HSPG2: variants seen among roughly 807,000 people sequenced by gnomAD.
The protein encoded by HSPG2 is basement membrane-specific heparan sulfate proteoglycan core protein.
A neutral mutation model predicts 526.6 loss-of-function variants in HSPG2; 278 were observed. The observed-to-expected ratio is 0.53, with a 90% CI of 0.48 to 0.58. The LOEUF is 0.58. HSPG2 is among the 20% of genes least tolerant of loss of function. HSPG2 has a pLI of 0.00. For missense variants in HSPG2, 5,354 were observed against 6,099.5 expected (o/e 0.88, Z 4.07); for synonymous variants, 2,465 against 2,555.4 (o/e 0.96, Z 1.07).
intron 13 of HSPG2, among the ~76,000 whole-genome samples, chr1:21,882,748 G>A (rs532881275): frequency 6.6e-6 from 1 of 152,152 alleles, no homozygotes. Flanking sequence ...CGTCATGGAT[G>A]GAGAGCGTAC....
Position 21,891,463 on chromosome 1 carries a change from C to T in HSPG2, c.245-769G>A, listed in dbSNP as rs79110743. Among the ~76,000 whole-genome samples, 231 of 152,340 alleles carry T rather than the reference C, an allele frequency of 1.5e-3. 3 individuals are homozygous for T. Among genetic ancestry groups the T allele is most frequent in the East Asian group, 7.3e-3 (38 of 5,190 alleles). On this transcript the variant is annotated intron_variant, in intron 3 of 96. Coordinates refer to ENST00000374695, the MANE Select transcript of HSPG2 (RefSeq NM_005529.7). ...AGCTGCTGTGGTCCTCTCTCCACCA[C>T]CAGACTCTAGGCTTGATGGAGGGGA...
At chr1:21,826,176 G>T (rs1005600386) in intron 91 of HSPG2, among the ~76,000 whole-genome samples, 1 of 151,958 alleles carries the variant, frequency 6.6e-6, no homozygotes, top group African/African-American at 2.4e-5. Context: ...CGACCTCCTG[G>T]GCTCAAGTGA....
chr1:21,827,955 G>C, intron 90 of HSPG2, 36 bp from the exon 91 acceptor site: 1 of 1,609,098 alleles, frequency 6.2e-7, no homozygotes. Context: ...GGTGGGCATA[G>C]ACACCCGTGG....
chr1:21,876,246 G>A lies in HSPG2; in HGVS notation c.2986C>T (p.Arg996Cys), dbSNP rs377170736. 3.1e-5 allele frequency: 50 copies of A among 1,611,328 alleles called. No individual in the cohort carries two copies. In the South Asian group the frequency reaches 3.4e-4, roughly 11 times the overall value. The change falls in exon 23 of 97, where the codon CGC (arginine) becomes TGC (cysteine). Residue 996 changes from arginine (R) to cysteine (C), a missense_variant. Transcript: ENST00000374695. The part of the protein sequence containing the change: ...SGPYFWSLPS[R>C]FLGDKVTSYG... ...CTACCCACCTTGTCCCCCAGGAAGC[G>A]TGAAGGGAGGCTCCAGAAGTAGGGT...
rs1323352578 is a variant in HSPG2 at position 21,848,165 on chromosome 1, C to A, written c.7738-72G>T. On this transcript the variant is annotated intron_variant, in intron 59 of 96. Coordinates refer to ENST00000374695, the MANE Select transcript of HSPG2 (RefSeq NM_005529.7). The surrounding 1 kb of genome is among the most constrained non-coding windows in gnomAD (Gnocchi z 4.9). ...TCCTCCACATCTTGGGCACTGCTGC[C>A]GCTGCCCCTGGACTCTGGGGGCCTC... 1 of 1,521,028 alleles carries A rather than the reference C, an allele frequency of 6.6e-7. No homozygotes were observed. Among genetic ancestry groups the A allele is most frequent in the Admixed American group, 2.0e-5 (1 of 51,024 alleles). The allele number at this position is 1,521,028 out of a possible 1,614,324, so 94.2% of individuals were successfully genotyped here. A position where few individuals can be genotyped will look rare whatever the true frequency, so the allele number is the denominator to read the frequency against.
At chr1:21,841,893 C>T in intron 69 of HSPG2, 109 bp downstream of exon 69, 1 of 1,490,316 alleles carries the variant, frequency 6.7e-7, no homozygotes, top group Non-Finnish European at 9.3e-7. Flanking sequence ...CTCAGGGCCA[C>T]ACCATGAATG....
In HSPG2 at chr1:21,831,255, C is replaced by G; in HGVS notation, c.11522G>C (p.Gly3841Ala). Residue 3841 changes from glycine to alanine, a missense_variant, in exon 84 of 97, where the codon GGC (glycine) becomes GCC (alanine). By Grantham distance (60) the Gly-to-Ala change is moderately conservative. Coordinates refer to ENST00000374695, the MANE Select transcript of HSPG2 (RefSeq NM_005529.7). ...VFHDLNLTAH[G>A]ISHCPTCRDR... ...CCGACAGGTGGGGCAGTGGGAGATG[C>G]CGTGCGCCGTGAGGTTGAGGTCATG... 6.2e-7 allele frequency: 1 copy of G among 1,613,980 alleles called. No homozygotes were observed. Among genetic ancestry groups the G allele is most frequent in the Non-Finnish European group, 8.5e-7 (1 of 1,179,970 alleles).
rs374145169 is a variant in HSPG2 at position 21,873,467 on chromosome 1, A to T, written c.3744-43T>A. 118 of 1,596,796 alleles carry T rather than the reference A, an allele frequency of 7.4e-5. 2 individuals carry two copies. In the Admixed American group the frequency reaches 8.3e-4, roughly 11 times the overall value. ...CTCTGATGAATTTTGGATGAAGGGA[A>T]GCAGAACCCCAGGGCTGGGCTGAGG... On this transcript the variant is annotated intron_variant, in intron 29 of 96. Coordinates refer to ENST00000374695, the MANE Select transcript of HSPG2 (RefSeq NM_005529.7).
At position 21,898,832 on chromosome 1, in the gene HSPG2, G is replaced by A. The variant is rs1310676944; in HGVS notation, c.64-2522C>T. 6.6e-6 allele frequency among the ~76,000 whole-genome samples: 1 copy of A among 152,204 alleles called. No individual in the cohort carries two copies. The highest frequency in any genetic ancestry group is 1.5e-5 in the Non-Finnish European group (1 of 68,032). On this transcript the variant is annotated intron_variant, in intron 1 of 96. Transcript: ENST00000374695. The surrounding 1 kb of genome is among the most constrained non-coding windows in gnomAD (Gnocchi z 4.0). ...ATGGAGGGCATGCCTGGAGCACTGC[G>A]ACTCCCAGCATCTCCTAGACACTGC...
chr1:21,842,226 C>T lies in HSPG2; in HGVS notation c.9052+13G>A. On this transcript the variant is annotated intron_variant, in intron 68 of 96. Transcript: ENST00000374695. Reference sequence around the variant, plus strand: ...TCCCTTCCCCCCTTGCCCATGGCATCTGCCATACTCACGGTAGGAAGACCC... The same window carrying T: ...TCCCTTCCCCCCTTGCCCATGGCATTTGCCATACTCACGGTAGGAAGACCC... 6.2e-7 allele frequency: 1 copy of T among 1,613,382 alleles called. No homozygotes were observed. The highest frequency in any genetic ancestry group is 2.2e-5 in the East Asian group (1 of 44,864).
At chr1:21,880,600 C>T in intron 15 of HSPG2, 41 bp from the exon 16 acceptor site, 3 of 1,604,988 alleles carry the variant, frequency 1.9e-6, no homozygotes, top group Non-Finnish European at 2.6e-6. Flanking sequence ...ACATCAGTGC[C>T]TACCCAGCCT....
At chr1:21,925,477 G>C (rs1249479949) in intron 1 of HSPG2, among the ~76,000 whole-genome samples, 1 of 152,184 alleles carries the variant, frequency 6.6e-6, no homozygotes, top group East Asian at 1.9e-4. Flanking sequence ...ACTCCCAACA[G>C]GGCAAAACCT....
intron 14 of HSPG2, among the ~76,000 whole-genome samples, chr1:21,881,138 G>A (rs916869983): frequency 3.3e-5 from 5 of 152,190 alleles, no homozygotes; most frequent in Non-Finnish European, 7.4e-5. Flanking sequence ...CCCGGGAGGA[G>A]GGGAGGCCAG....
In HSPG2 at chr1:21,823,375, G is replaced by T; in HGVS notation, c.13117C>A (p.Pro4373Thr). The change falls in exon 97 of 97, where the codon CCC becomes ACC. Residue 4373 changes from proline (P) to threonine (T), a missense_variant. Transcript: ENST00000374695. ...SARPGAPPPQ[P>T]LDLQHRAQAG... ...TGGGCGCGGTGCTGCAGGTCCAGGG[G>T]CTGTGGGGGCGGGGCGCCGGGTCGG... 6.4e-7 allele frequency: 1 copy of T among 1,551,780 alleles called. No homozygotes were observed.
At position 21,861,971 on chromosome 1, in the gene HSPG2, T is replaced by C; in HGVS notation, c.4868+17A>G. On this transcript the variant is annotated intron_variant, in intron 38 of 96. Coordinates refer to ENST00000374695, the MANE Select transcript of HSPG2 (RefSeq NM_005529.7). ...CCAGTGGAAGTGTGTCCTTGGGCCT[T>C]GAGCTAGGGTACCCACATGTTCTCT... 1 of 1,613,940 alleles carries C rather than the reference T, an allele frequency of 6.2e-7. No homozygotes were observed.
intron 1 of HSPG2, among the ~76,000 whole-genome samples, chr1:21,934,892 G>A (rs1644445446): frequency 7.1e-6 from 1 of 141,498 alleles, no homozygotes; most frequent in African/African-American, 2.7e-5. Context: ...ACCGCGCCTG[G>A]CCCCGAAAAA....
At chr1:21,917,543 C>A (rs988949964) in intron 1 of HSPG2, among the ~76,000 whole-genome samples, 2 of 152,176 alleles carry the variant, frequency 1.3e-5, no homozygotes, top group African/African-American at 4.8e-5. Context: ...GAAGCCATGT[C>A]TTTAAGAACA....
intron 1 of HSPG2, among the ~76,000 whole-genome samples, chr1:21,921,240 C>T (rs1442758427): frequency 6.6e-6 from 1 of 152,118 alleles, no homozygotes; most frequent in Non-Finnish European, 1.5e-5. Flanking sequence ...GGGTTGGAAG[C>T]CAAGCTCAGC....
intron 68 of HSPG2, 31 bp from the exon 69 acceptor site, chr1:21,842,173 AG>A: frequency 6.2e-7 from 1 of 1,613,226 alleles, no homozygotes. Flanking sequence ...GGCTGGGCTC[AG>A]CAGGGGTGGG....
Sources: gnomAD v4.1 joint callset for allele counts (sites outside exome capture counted in the v4.1 genomes callset) on GRCh38, gnomAD v4.1.1 for gene constraint, Gnocchi (gnomAD v3.1) non-coding constraint, MANE v1.5 for transcripts, NCBI Gene and HGNC (gene_info 2026-07-23, HGNC 2026-07-21) for gene names.